PRUNE2: variants seen among roughly 807,000 people sequenced by gnomAD.
PRUNE2 encodes prune homolog 2 with BCH domain.
A neutral mutation model predicts 252.0 loss-of-function variants in PRUNE2; 164 were observed. The ratio of observed to expected loss-of-function variants is 0.65; its 90% confidence interval spans 0.57 to 0.74. PRUNE2 has a LOEUF of 0.74. Ranked by LOEUF, PRUNE2 falls within the 30% of genes least tolerant of loss-of-function variation. The probability of loss-of-function intolerance (pLI) is 0.00; values close to 1 mark genes in which losing one functional copy is unlikely to be tolerated. For missense variants in PRUNE2, 3,495 were observed against 3,711.0 expected (o/e 0.94, Z 1.51); for synonymous variants, 1,292 against 1,350.2 (o/e 0.96, Z 0.94).
At chr9:76,873,303 T>C (rs1348283051) in intron 1 of PRUNE2, among the ~76,000 whole-genome samples, 3 of 152,242 alleles carry the variant, frequency 2.0e-5, no homozygotes, top group South Asian at 2.1e-4. Flanking sequence ...TTTTCCACTT[T>C]TGTATATGTT....
rs1361721996 is a variant in PRUNE2, at chr9:76,846,495, T to C, written c.508+20A>G. On this transcript the variant is annotated intron_variant, in intron 4 of 18. Coordinates refer to ENST00000376718, the MANE Select transcript of PRUNE2 (RefSeq NM_015225.3). Reference sequence around the variant, plus strand: ...CTCCATTAAGCCTTCCAGTATTTAATAGGAAGAGCCATCTCTCACCTCTGA... The same window carrying C: ...CTCCATTAAGCCTTCCAGTATTTAACAGGAAGAGCCATCTCTCACCTCTGA... 6.2e-6 allele frequency: 10 copies of C among 1,602,198 alleles called. No individual in the cohort carries two copies. The highest frequency in any genetic ancestry group is 4.0e-5 in the African/African-American group (3 of 74,516).
At chr9:76,668,215 G>T (rs74378716) in intron 9 of PRUNE2, among the ~76,000 whole-genome samples, 34 of 152,196 alleles carry the variant, frequency 2.2e-4, no homozygotes, top group Non-Finnish European at 4.3e-4. Context: ...TATATACCAA[G>T]ATATATGTAA....
At chr9:76,704,690 G>A (rs1053076957) in intron 8 of PRUNE2, 71 bp downstream of exon 8, 20 of 1,062,252 alleles carry the variant, frequency 1.9e-5, no homozygotes, top group Non-Finnish European at 2.6e-5. Context: ...GGAAGAGTGT[G>A]TCTTACAAAT....
At chr9:76,657,193 T>C (rs559240784) in intron 9 of PRUNE2, among the ~76,000 whole-genome samples, 1 of 152,370 alleles carries the variant, frequency 6.6e-6, no homozygotes, top group South Asian at 2.1e-4. Context: ...TTCTCGTACC[T>C]GTCAAGTAGC....
intron 6 of PRUNE2, among the ~76,000 whole-genome samples, chr9:76,780,678 A>G (rs958832863): frequency 3.3e-5 from 5 of 152,126 alleles, no homozygotes; most frequent in South Asian, 2.1e-4. Context: ...GCGACAGAGC[A>G]AGACTCCGTC....
At chr9:76,800,147 C>A (rs2131552549) in intron 6 of PRUNE2, among the ~76,000 whole-genome samples, 1 of 152,182 alleles carries the variant, frequency 6.6e-6, no homozygotes, top group South Asian at 2.1e-4. Flanking sequence ...GTGTGCTGCA[C>A]CCATTAACTC....
In PRUNE2 at chr9:76,846,540, G is replaced by A. The variant is rs200722902; in HGVS notation, c.483C>T (p.Thr161=). 79 of 1,613,802 alleles carry A rather than the reference G, an allele frequency of 4.9e-5. No individual in the cohort carries two copies. Among genetic ancestry groups the A allele is most frequent in the African/African-American group, 3.1e-4 (23 of 75,032 alleles). ...CTCTGAGGCGATGAGCCAGTTGCTC[G>A]GTGATGAGCTCAGGAGCCTCTTGGA... The part of the protein sequence containing the change: ...EILQEAPELI[T]EQLAHRLRGS... Residue 161 remains threonine, a synonymous_variant, in exon 4 of 19, where the codon ACC becomes ACT. Coordinates refer to ENST00000376718, the MANE Select transcript of PRUNE2 (RefSeq NM_015225.3).
intron 3 of PRUNE2, among the ~76,000 whole-genome samples, chr9:76,849,238 T>C (rs983528220): frequency 4.6e-5 from 7 of 152,144 alleles, no homozygotes; most frequent in African/African-American, 1.7e-4. Context: ...ACAAGTCGTT[T>C]GTGACACTGA....
chr9:76,676,725 G>A (rs1265012312), intron 9 of PRUNE2, among the ~76,000 whole-genome samples: 1 of 152,164 alleles, frequency 6.6e-6, no homozygotes, highest in African/African-American at 2.4e-5. Context: ...AAAAAAAGAA[G>A]TGCCTAGTAA....
intron 4 of PRUNE2, among the ~76,000 whole-genome samples, chr9:76,836,705 A>G (rs952441672): frequency 6.6e-6 from 1 of 152,308 alleles, no homozygotes; most frequent in South Asian, 2.1e-4. Context: ...AAGAAGTATT[A>G]ATTTTGAAAA....
intron 16 of PRUNE2, among the ~76,000 whole-genome samples, chr9:76,625,331 A>G (rs1834210445): frequency 6.6e-6 from 1 of 152,208 alleles, no homozygotes; most frequent in African/African-American, 2.4e-5. Flanking sequence ...TCAGTACAGT[A>G]ACATGCTGTA....
chr9:76,807,051 T>TGTGTGTGCGCGC (rs60768420), intron 6 of PRUNE2, among the ~76,000 whole-genome samples: 2,156 of 139,362 alleles, frequency 0.015, 34 homozygotes, highest in Admixed American at 0.028. Flanking sequence ...TGTGTGTGTG[T>TGTGTGTGCGCGC]GCGCGCGCGC....
At chr9:76,893,470 A>G (rs543802187) in intron 1 of PRUNE2, among the ~76,000 whole-genome samples, 2 of 152,348 alleles carry the variant, frequency 1.3e-5, no homozygotes, top group East Asian at 3.9e-4. Context: ...ACCCAGGGTG[A>G]CATGGTGATC....
At chr9:76,892,063 G>GCA (rs565332270) in intron 1 of PRUNE2, among the ~76,000 whole-genome samples, 1 of 151,674 alleles carries the variant, frequency 6.6e-6, no homozygotes, top group South Asian at 2.1e-4. Context: ...AGAGAAAGTA[G>GCA]CCCCCCCAGC....
At chr9:76,633,807 T>C (rs866185671) in intron 15 of PRUNE2, among the ~76,000 whole-genome samples, 2 of 151,862 alleles carry the variant, frequency 1.3e-5, no homozygotes, top group South Asian at 4.1e-4. Context: ...TCCTATATAA[T>C]GGAAATAGTA....
At chr9:76,766,955 T>C (rs2130849092) in intron 6 of PRUNE2, among the ~76,000 whole-genome samples, 1 of 152,302 alleles carries the variant, frequency 6.6e-6, no homozygotes, top group African/African-American at 2.4e-5. Context: ...TTATTGTTTA[T>C]CATCTACCTC....
chr9:76,824,588 C>G (rs1213336658), intron 5 of PRUNE2, among the ~76,000 whole-genome samples: 1 of 152,180 alleles, frequency 6.6e-6, no homozygotes, highest in African/African-American at 2.4e-5. Context: ...CAATGGAACT[C>G]AATGAAATCT....
intron 6 of PRUNE2, among the ~76,000 whole-genome samples, chr9:76,746,924 TGTAA>T (rs542205907): frequency 1.3e-5 from 2 of 152,104 alleles, no homozygotes; most frequent in Non-Finnish European, 2.9e-5. Context: ...AATGGGTAAA[TGTAA>T]GTGTTTCAGT....
intron 6 of PRUNE2, 49 bp from the exon 7 acceptor site, chr9:76,713,770 C>T (rs75923528): frequency 0.017 from 23,637 of 1,388,950 alleles, 396 homozygotes; most frequent in East Asian, 0.086. Context: ...TGCCCAGCTG[C>T]GGGGAGTTGT....
Sources: gnomAD v4.1 joint callset for allele counts (sites outside exome capture counted in the v4.1 genomes callset) on GRCh38, gnomAD v4.1.1 for gene constraint, MANE v1.5 for transcripts, NCBI Gene and HGNC (gene_info 2026-07-23, HGNC 2026-07-21) for gene names.